BPTF: variants seen among roughly 807,000 people sequenced by gnomAD.
BPTF encodes bromodomain PHD finger transcription factor.
In BPTF, 18 loss-of-function variants were observed where a neutral mutation model predicts 292.5. The observed-to-expected ratio is 0.06, with a 90% CI of 0.04 to 0.09. The LOEUF (loss-of-function observed/expected upper bound fraction) is 0.09, where lower values mean the gene tolerates loss of function less well. BPTF is among the 10% of genes least tolerant of loss of function. The pLI is 1.00. For missense variants in BPTF, 2,726 were observed against 3,498.7 expected, an observed-to-expected ratio of 0.78 and a Z score of 5.57; for synonymous variants, 1,225 against 1,251.9, an observed-to-expected ratio of 0.98 and a Z score of 0.45.
intron 1 of BPTF, among the ~76,000 whole-genome samples, chr17:67,845,282 C>T (rs1240480660): frequency 6.6e-6 from 1 of 152,244 alleles, no homozygotes; most frequent in African/African-American, 2.4e-5. Context: ...TATTGCCCAA[C>T]AACCTTTCAC....
chr17:67,949,845 G>A (rs936441630), intron 23 of BPTF, among the ~76,000 whole-genome samples: 1 of 151,316 alleles, frequency 6.6e-6, no homozygotes, highest in Admixed American at 6.6e-5. Flanking sequence ...ATCACCTGAG[G>A]TCAGTTCAAG....
chr17:67,962,115 C>G (rs1359629744), intron 24 of BPTF, among the ~76,000 whole-genome samples: 1 of 146,042 alleles, frequency 6.8e-6, no homozygotes, highest in African/African-American at 2.5e-5. Context: ...TGCTCTGCAG[C>G]CTGGGCTATA....
chr17:67,837,644 AG>A (rs1408547963), intron 1 of BPTF, among the ~76,000 whole-genome samples: 4 of 152,154 alleles, frequency 2.6e-5, no homozygotes, highest in African/African-American at 9.7e-5. Flanking sequence ...TGCTGACCTC[AG>A]GCAATCTGCC....
intron 2 of BPTF, among the ~76,000 whole-genome samples, chr17:67,861,942 A>G (rs1017941970): frequency 6.6e-6 from 1 of 151,988 alleles, no homozygotes; most frequent in Non-Finnish European, 1.5e-5. Context: ...GTGAAATACT[A>G]CTTTTTAAAA....
intron 13 of BPTF, among the ~76,000 whole-genome samples, chr17:67,921,024 T>C (rs2147193979): frequency 6.6e-6 from 1 of 151,242 alleles, no homozygotes; most frequent in South Asian, 2.1e-4. Flanking sequence ...CTAGACAATG[T>C]AGTGAAACCC....
At chr17:67,937,969 C>T (rs2065059156) in intron 18 of BPTF, among the ~76,000 whole-genome samples, 2 of 152,016 alleles carry the variant, frequency 1.3e-5, no homozygotes, top group Non-Finnish European at 2.9e-5. Context: ...CAAAAAATAG[C>T]CGGGCATGGT....
intron 23 of BPTF, chr17:67,951,745 G>A (rs1255662390): frequency 2.6e-5 from 4 of 152,034 alleles, no homozygotes; most frequent in African/African-American, 9.7e-5. Flanking sequence ...ATCTAACGAG[G>A]AAGAAAAGTT....
chr17:67,911,827 A>G lies in BPTF; in HGVS notation c.3943A>G (p.Ile1315Val). Residue 1315 changes from isoleucine to valine, a missense_variant, in exon 11 of 28, where the codon ATT becomes GTT. Ile to Val is a conservative substitution (Grantham distance 29, BLOSUM62 3). Around this residue, in one of 22 missense-constraint regions of BPTF, gnomAD observed 713 missense variants for 714.9 expected, o/e 1.00. Coordinates refer to ENST00000306378, the MANE Select transcript of BPTF (RefSeq NM_182641.4). The stretch of plus-strand genomic sequence containing the variant: ...GATTGTTCAGAATAGCAATGAAAGC[A>G]TTTCTGAACAGTTCAGAACTCGAGA... ...DMIVQNSNES[I>V]SEQFRTREQD... is the part of the protein sequence containing the mutation. 1.2e-6 allele frequency: 2 copies of G among 1,614,192 alleles called. No individual in the cohort carries two copies. The highest frequency in any genetic ancestry group is 1.1e-5 in the South Asian group (1 of 91,090).
chr17:67,950,719 A>T (rs1328998785), intron 23 of BPTF, among the ~76,000 whole-genome samples: 2 of 151,816 alleles, frequency 1.3e-5, no homozygotes, highest in African/African-American at 4.8e-5. Context: ...GGGTGCCTGT[A>T]GTCCCAGCTA....
In BPTF at chr17:67,854,789, G is replaced by A. The variant is rs1271489111; in HGVS notation, c.1436+27G>A. 2.6e-6 allele frequency: 4 copies of A among 1,535,946 alleles called. No individual in the cohort carries two copies. Among genetic ancestry groups the A allele is most frequent in the Non-Finnish European group, 3.6e-6 (4 of 1,118,700 alleles). On this transcript the variant is annotated intron_variant, in intron 2 of 27. Coordinates refer to ENST00000306378, the MANE Select transcript of BPTF (RefSeq NM_182641.4). This position sits in a 1 kb window ranked among gnomAD's most constrained non-coding sequence, Gnocchi z 5.6. ...TAAGTAAATCTGGTCTTAATTTTTT[G>A]TATGCATTTAAAATTAGACTAGTTT...
intron 14 of BPTF, among the ~76,000 whole-genome samples, chr17:67,923,701 A>G (rs1477916029): frequency 6.6e-6 from 1 of 150,880 alleles, no homozygotes; most frequent in African/African-American, 2.4e-5. Context: ...GCTGGTCTCG[A>G]ACTCCTGACC....
intron 1 of BPTF, among the ~76,000 whole-genome samples, chr17:67,833,245 CTT>C (rs530573535): frequency 4.2e-5 from 6 of 143,214 alleles, no homozygotes; most frequent in Non-Finnish European, 7.7e-5. Flanking sequence ...GCTATACAGC[CTT>C]TTTTTTTTTT....
At position 67,911,617 on chromosome 17, in the gene BPTF, A is replaced by G; in HGVS notation, c.3733A>G (p.Ile1245Val). Reference protein sequence around the residue: ...KPLIQEESDTIVSSSKSALHS... With the variant: ...KPLIQEESDTVVSSSKSALHS... ...GCTCATACAGGAGGAAAGTGACACC[A>G]TTGTTTCTTCTTCCAAGAGTGCTTT... The change falls in exon 11 of 28, where the codon ATT becomes GTT. Residue 1245 changes from isoleucine (I) to valine (V), a missense_variant. Around this residue, in one of 22 missense-constraint regions of BPTF, gnomAD observed 713 missense variants for 714.9 expected, o/e 1.00. Coordinates refer to ENST00000306378, the MANE Select transcript of BPTF (RefSeq NM_182641.4). 1.2e-6 allele frequency: 2 copies of G among 1,614,158 alleles called. No homozygotes were observed. Among genetic ancestry groups the G allele is most frequent in the Admixed American group, 3.3e-5 (2 of 60,010 alleles).
At chr17:67,917,196 G>A (rs1003680327) in intron 11 of BPTF, among the ~76,000 whole-genome samples, 3 of 144,218 alleles carry the variant, frequency 2.1e-5, no homozygotes, top group African/African-American at 7.8e-5. Context: ...GCAGTGGAGC[G>A]ATCTCGGCTC....
In BPTF at chr17:67,983,795, C is replaced by A. The variant is rs1568252729; in HGVS notation, c.*1507C>A. The A allele has an allele frequency of 6.6e-6, 1 of 152,584 alleles. No homozygotes were observed. The highest frequency in any genetic ancestry group is 2.4e-5 in the African/African-American group (1 of 41,450). The allele number at this position is 152,584 out of a possible 1,614,324, so 9.5% of individuals were successfully genotyped here. A position where few individuals can be genotyped will look rare whatever the true frequency, so the allele number is the denominator to read the frequency against. On this transcript the variant is annotated 3_prime_UTR_variant, in exon 28 of 28. Transcript: ENST00000306378. ...ATCTAATTATTGTTTTTCAAAGTTT[C>A]TTTCCTTTTAATGTTTCCCTGCTAT...
intron 1 of BPTF, among the ~76,000 whole-genome samples, chr17:67,838,042 A>G (rs954663133): frequency 1.4e-4 from 21 of 152,320 alleles, no homozygotes; most frequent in African/African-American, 4.3e-4. Flanking sequence ...AGATGATCTA[A>G]TGGTCAGGGG....
chr17:67,838,840 C>T (rs2057336032), intron 1 of BPTF, among the ~76,000 whole-genome samples: 1 of 152,244 alleles, frequency 6.6e-6, no homozygotes, highest in South Asian at 2.1e-4. Context: ...AATATTTTCA[C>T]TTATGCCATG....
intron 3 of BPTF, among the ~76,000 whole-genome samples, chr17:67,869,441 T>C (rs1197231384): frequency 6.6e-6 from 1 of 152,128 alleles, no homozygotes; most frequent in Admixed American, 6.5e-5. Flanking sequence ...AATTGATAAA[T>C]TTCATTATGA....
At chr17:67,840,866 T>C (rs1384829826) in intron 1 of BPTF, among the ~76,000 whole-genome samples, 1 of 152,090 alleles carries the variant, frequency 6.6e-6, no homozygotes, top group Non-Finnish European at 1.5e-5. Flanking sequence ...CCCAGCCAAT[T>C]TCTTATTATT....
Sources: gnomAD v4.1 joint callset for allele counts (sites outside exome capture counted in the v4.1 genomes callset) on GRCh38, gnomAD v4.1.1 for gene constraint, gnomAD v4.1.1 regional missense constraint, Gnocchi (gnomAD v3.1) non-coding constraint, MANE v1.5 for transcripts, NCBI Gene and HGNC (gene_info 2026-07-23, HGNC 2026-07-21) for gene names.